The following MKI67 variants were observed in gnomAD, a reference collection of about 807,000 sequenced individuals.
MKI67 encodes the protein proliferation marker protein Ki-67.
MKI67 carries 152 observed loss-of-function variants against 233.5 expected under a neutral mutation model. That is an observed-to-expected ratio of 0.65 (90% CI 0.57 to 0.74). MKI67 has a LOEUF of 0.74. MKI67 is among the 30% of genes least tolerant of loss of function. The pLI is 0.00. For synonymous variants in MKI67, 1,465 were observed against 1,418.5 expected (o/e 1.03, Z -0.74); for missense variants, 3,940 against 3,885.2 (o/e 1.01, Z -0.37).
At position 128,110,487 on chromosome 10, in the gene MKI67, C is replaced by T. The variant is rs776067239; in HGVS notation, c.2307G>A (p.Leu769=). 2 of 1,576,568 alleles carry T rather than the reference C, an allele frequency of 1.3e-6. No individual in the cohort carries two copies. The highest frequency in any genetic ancestry group is 3.4e-5 in the Admixed American group (2 of 59,432). The part of the protein sequence containing the change: ...FKTPVKEQPQ[L]TSTCHIAISN... ...AAATAGCGATGTGACATGTGCTTGT[C>T]AACTGCGGTTGCTCCTTCACTGGGG... The change falls in exon 12 of 15, where the codon TTG becomes TTA. Residue 769 remains leucine (L), a synonymous_variant. Transcript: ENST00000368654.
At chr10:128,101,136 T>TAAC in intron 14 of MKI67, 122 bp downstream of exon 14, 1 of 881,468 alleles carries the variant, frequency 1.1e-6, no homozygotes, top group South Asian at 1.8e-5. Flanking sequence ...TCCATTAATG[T>TAAC]AACTGGGAGC....
intron 5 of MKI67, among the ~76,000 whole-genome samples, chr10:128,117,450 C>G (rs1172589419): frequency 6.6e-6 from 1 of 152,250 alleles, no homozygotes; most frequent in Non-Finnish European, 1.5e-5. Context: ...CCTGGCTCCC[C>G]AGAGACAGCG....
At position 128,097,370 on chromosome 10, in the gene MKI67, C is replaced by T. The variant is rs1191290399; in HGVS notation, c.*1820G>A. On this transcript the variant is annotated 3_prime_UTR_variant, in exon 15 of 15. Coordinates refer to ENST00000368654, the MANE Select transcript of MKI67 (RefSeq NM_002417.5). Reference sequence around the variant, plus strand: ...TAAATGAACATTTTTAACCCATCATCAACAGCCCTGTAAAATGAAAACCAC... The same window carrying T: ...TAAATGAACATTTTTAACCCATCATTAACAGCCCTGTAAAATGAAAACCAC... 1 of 152,120 alleles carries T rather than the reference C, an allele frequency of 6.6e-6. No homozygotes were observed. The highest frequency in any genetic ancestry group is 1.9e-4 in the East Asian group (1 of 5,180). The allele number at this position is 152,120 out of a possible 1,614,324, so 9.4% of individuals were successfully genotyped here.
At position 128,109,468 on chromosome 10, in the gene MKI67, A is replaced by C. The variant is rs1384206412; in HGVS notation, c.2417-45T>G. 9 of 1,561,114 alleles carry C rather than the reference A, an allele frequency of 5.8e-6. No homozygotes were observed. The African/African-American group carries it at 6.9e-5, about 12-fold the overall frequency. On this transcript the variant is annotated intron_variant, in intron 12 of 14. Coordinates refer to ENST00000368654, the MANE Select transcript of MKI67 (RefSeq NM_002417.5). ...AATAAAAACATTCTATTAGTGTCTC[A>C]TGTCAATCGAGTATTACAGCCTCAT...
At chr10:128,118,397 GAA>G (rs572037256) in intron 5 of MKI67, among the ~76,000 whole-genome samples, 18 of 56,084 alleles carry the variant, frequency 3.2e-4, no homozygotes, top group East Asian at 1.1e-3. Context: ...CTCCGTCTCA[GAA>G]AAAAAAAAAA....
At position 128,107,660 on chromosome 10, in the gene MKI67, G is replaced by T. The variant is rs767005868; in HGVS notation, c.4180C>A (p.Pro1394Thr). 7 of 1,613,992 alleles carry T rather than the reference G, an allele frequency of 4.3e-6. No homozygotes were observed. In the South Asian group the frequency reaches 5.5e-5, roughly 13 times the overall value. ...PTSTRRQPKTPLEKRDVQKEL... is the reference protein window; with the variant it reads ...PTSTRRQPKTTLEKRDVQKEL... ...TTCTGTACGTCCCTTTTCTCCAAAG[G>T]TGTCTTGGGCTGCCTTCTTGTGCTT... The change falls in exon 13 of 15, where the codon CCT becomes ACT. Residue 1394 changes from proline (P) to threonine (T), a missense_variant. Coordinates refer to ENST00000368654, the MANE Select transcript of MKI67 (RefSeq NM_002417.5).
At chr10:128,118,751 A>G (rs1353709308) in intron 5 of MKI67, among the ~76,000 whole-genome samples, 1 of 152,232 alleles carries the variant, frequency 6.6e-6, no homozygotes, top group Non-Finnish European at 1.5e-5. Context: ...GATACACTCA[A>G]ACTATAGGAT....
chr10:128,099,465 T>G (rs79247233), intron 14 of MKI67, among the ~76,000 whole-genome samples: 57 of 152,270 alleles, frequency 3.7e-4, no homozygotes, highest in African/African-American at 1.4e-3. Context: ...GCAGTTTTTT[T>G]ACACTTAAAT....
rs752487844 is a variant in MKI67, at chr10:128,108,810, T to TA, written c.3029dup (p.Leu1010PhefsTer60). The TA allele has an allele frequency of 6.2e-7, 1 of 1,614,214 alleles. No homozygotes were observed. Among genetic ancestry groups the TA allele is most frequent in the Non-Finnish European group, 8.5e-7 (1 of 1,180,034 alleles). ...TTGGGGTGTTTATTGGTTCTGGTTGTAATGACTGGCAGGGCATTTTAGTGA... is the reference window on the plus strand; with the variant it reads ...TTGGGGTGTTTATTGGTTCTGGTTGTAAATGACTGGCAGGGCATTTTAGTGA... On this transcript the variant is annotated frameshift_variant, in exon 13 of 15. Coordinates refer to ENST00000368654, the MANE Select transcript of MKI67 (RefSeq NM_002417.5). LOFTEE classifies it high-confidence loss of function.
Position 128,103,784 on chromosome 10 carries a change from A to G in MKI67, c.8056T>C (p.Ser2686Pro). The change falls in exon 13 of 15, where the codon TCT becomes CCT. Residue 2686 changes from serine (S) to proline (P), a missense_variant. Coordinates refer to ENST00000368654, the MANE Select transcript of MKI67 (RefSeq NM_002417.5). ...LEDLAGFTELSETSGHTQESL... is the reference protein window; with the variant it reads ...LEDLAGFTELPETSGHTQESL... Reference sequence around the variant, plus strand: ...TCCTGAGTGTGACCTGATGTTTCAGAGAGCTCTGTGAAGCCGGCCAGGTCT... The same window carrying G: ...TCCTGAGTGTGACCTGATGTTTCAGGGAGCTCTGTGAAGCCGGCCAGGTCT... 1 of 1,613,010 alleles carries G rather than the reference A, an allele frequency of 6.2e-7. No homozygotes were observed. The highest frequency in any genetic ancestry group is 8.5e-7 in the Non-Finnish European group (1 of 1,179,806).
rs1433128989 is a variant in MKI67 at position 128,115,364 on chromosome 10, A to C, written c.1044T>G (p.Pro348=). The C allele has an allele frequency of 6.2e-7, 1 of 1,614,160 alleles. No homozygotes were observed. Among genetic ancestry groups the C allele is most frequent in the East Asian group, 2.2e-5 (1 of 44,870 alleles). The change falls in exon 7 of 15, where the codon CCT becomes CCG. Residue 348 remains proline (P), a synonymous_variant. Transcript: ENST00000368654. ...PLYEPAKMKT[P]VQYSQQQNSP... is the part of the protein sequence containing the mutation. Reference sequence around the variant, plus strand: ...AATTTTGTTGCTGTGAATATTGTACAGGGGTCTTCATTTTAGCCGGCTCAT... The same window carrying C: ...AATTTTGTTGCTGTGAATATTGTACCGGGGTCTTCATTTTAGCCGGCTCAT...
In MKI67 at chr10:128,108,944, C is replaced by T; in HGVS notation, c.2896G>A (p.Asp966Asn). 6.2e-7 allele frequency: 1 copy of T among 1,614,248 alleles called. No individual in the cohort carries two copies. The highest frequency in any genetic ancestry group is 8.5e-7 in the Non-Finnish European group (1 of 1,180,046). Residue 966 changes from aspartate to asparagine, a missense_variant, in exon 13 of 15, where the codon GAC (aspartate) becomes AAC (asparagine). Coordinates refer to ENST00000368654, the MANE Select transcript of MKI67 (RefSeq NM_002417.5). ...TCTGTATCAGGCAAGCTCTTGAGGT[C>T]TGTCAGGTCAGACATTGGTGCACAT... ...QKCAPMSDLTDLKSLPDTELM... is the reference protein window; with the variant it reads ...QKCAPMSDLTNLKSLPDTELM...
At chr10:128,121,047 T>C (rs1182298605) in intron 4 of MKI67, among the ~76,000 whole-genome samples, 1 of 152,016 alleles carries the variant, frequency 6.6e-6, no homozygotes, top group African/African-American at 2.4e-5. Flanking sequence ...AAAAGGAAAT[T>C]AGTTTAACCA....
intron 5 of MKI67, among the ~76,000 whole-genome samples, chr10:128,118,786 T>A (rs1337815595): frequency 6.6e-6 from 1 of 152,200 alleles, no homozygotes; most frequent in Non-Finnish European, 1.5e-5. Flanking sequence ...AAGCACAGGA[T>A]CCCTTTTCCT....
At chr10:128,118,550 T>C (rs372874361) in intron 5 of MKI67, among the ~76,000 whole-genome samples, 19 of 152,288 alleles carry the variant, frequency 1.2e-4, no homozygotes, top group African/African-American at 4.6e-4. Flanking sequence ...AGGAAAAATA[T>C]GAATTCTCAG....
At position 128,111,932 on chromosome 10, in the gene MKI67, G is replaced by A; in HGVS notation, c.2083C>T (p.Pro695Ser). Reference sequence around the variant, plus strand: ...CCATTCAGTGAGGCCCCTACCTTTGGAGTAGCAGGTCTTCTTTGCCTTTTG... The same window carrying A: ...CCATTCAGTGAGGCCCCTACCTTTGAAGTAGCAGGTCTTCTTTGCCTTTTG... ...MNKRQRRPAT[P>S]KKPVGEVHSQ... The change falls in exon 10 of 15, where the codon CCA becomes TCA. Residue 695 changes from proline (P) to serine (S), a missense_variant. Pro to Ser is a moderately conservative substitution (Grantham distance 74, BLOSUM62 -1). Coordinates refer to ENST00000368654, the MANE Select transcript of MKI67 (RefSeq NM_002417.5). 2.5e-6 allele frequency: 4 copies of A among 1,610,552 alleles called. No homozygotes were observed. The highest frequency in any genetic ancestry group is 1.7e-6 in the Non-Finnish European group (2 of 1,178,730).
chr10:128,125,580 C>T lies in MKI67; in HGVS notation c.88G>A (p.Gly30Arg). Residue 30 changes from glycine (G) to arginine (R), a missense_variant, in exon 2 of 15, where the codon GGA becomes AGA. Transcript: ENST00000368654. The surrounding 1 kb of genome is among the most constrained non-coding windows in gnomAD (Gnocchi z 5.3). ...FPLSLSTCLFGRGIECDIRIQ... is the reference protein window; with the variant it reads ...FPLSLSTCLFRRGIECDIRIQ... ...GCGCGCGCCCGCGGGGCTCACCTTC[C>T]AAACAAGCAGGTGCTGAGGCTCAGG... 1 of 1,612,662 alleles carries T rather than the reference C, an allele frequency of 6.2e-7. No individual in the cohort carries two copies. Among genetic ancestry groups the T allele is most frequent in the Non-Finnish European group, 8.5e-7 (1 of 1,179,432 alleles).
In MKI67 at chr10:128,107,034, C is replaced by T; in HGVS notation, c.4806G>A (p.Glu1602=). 1 of 1,614,060 alleles carries T rather than the reference C, an allele frequency of 6.2e-7. No homozygotes were observed. Among genetic ancestry groups the T allele is most frequent in the South Asian group, 1.1e-5 (1 of 91,074 alleles). ...KELFQTRGHT[E]ESMTNDKTAK... ...CAGTTTTATCGTTAGTCATTGATTC[C>T]TCAGTGTGACCTCGTGTCTGGAAGA... The change falls in exon 13 of 15, where the codon GAG becomes GAA. Residue 1602 remains glutamate, a synonymous_variant. Transcript: ENST00000368654.
rs2136137955 is a variant in MKI67, at chr10:128,108,771, T to C, written c.3069A>G (p.Gln1023=). ...CTTTCCCCAGGGATGCCTTCAACTG[T>C]TGTTTTGTGTGTGTTGGGGTGTTTA... ...EPINTPTHTK[Q]QLKASLGKVG... The change falls in exon 13 of 15, where the codon CAA becomes CAG. Residue 1023 remains glutamine, a synonymous_variant. Coordinates refer to ENST00000368654, the MANE Select transcript of MKI67 (RefSeq NM_002417.5). 6.2e-7 allele frequency: 1 copy of C among 1,614,146 alleles called. No individual in the cohort carries two copies. Among genetic ancestry groups the C allele is most frequent in the South Asian group, 1.1e-5 (1 of 91,084 alleles).
Sources: allele counts gnomAD v4.1 joint callset (sites outside exome capture counted in the v4.1 genomes callset), GRCh38; gene constraint gnomAD v4.1.1; non-coding constraint Gnocchi (gnomAD v3.1); transcripts MANE v1.5; gene names NCBI Gene and HGNC (gene_info 2026-07-23, HGNC 2026-07-21).